Variants in OLFM3 observed in about 807,000 individuals in gnomAD.
The protein encoded by OLFM3 is noelin-3.
OLFM3 carries 20 observed loss-of-function variants against 48.6 expected under a neutral mutation model. That is an observed-to-expected ratio of 0.41 (90% CI 0.29 to 0.60). The LOEUF (loss-of-function observed/expected upper bound fraction) is 0.60. Among genes scored for constraint, OLFM3 ranks in the 20% least tolerant of loss-of-function variants. The pLI is 0.28. For synonymous variants in OLFM3, 222 were observed against 198.1 expected (o/e 1.12, Z -1.01); for missense variants, 437 against 544.3 (o/e 0.80, Z 1.96).
intron 4 of OLFM3, among the ~76,000 whole-genome samples, chr1:101,814,271 T>TTG: frequency 6.6e-6 from 1 of 152,142 alleles, no homozygotes; most frequent in Middle Eastern, 3.4e-3. Flanking sequence ...CTAAGGTTTT[T>TTG]TTTTTTTTTT....
At chr1:101,925,811 T>C (rs1280034719) in intron 1 of OLFM3, among the ~76,000 whole-genome samples, 1 of 152,086 alleles carries the variant, frequency 6.6e-6, no homozygotes, top group Non-Finnish European at 1.5e-5. Context: ...ATTACAGGCA[T>C]GGGTCACTGT....
intron 1 of OLFM3, among the ~76,000 whole-genome samples, chr1:101,903,543 T>C (rs1009564728): frequency 1.3e-5 from 2 of 152,082 alleles, no homozygotes; most frequent in Non-Finnish European, 2.9e-5. Flanking sequence ...CTGTTGAGTT[T>C]GTAAGGCTTA....
intron 1 of OLFM3, among the ~76,000 whole-genome samples, chr1:101,970,386 T>C (rs1010913044): frequency 2.6e-5 from 4 of 152,210 alleles, no homozygotes; most frequent in Admixed American, 6.5e-5. Flanking sequence ...ATATTTCAAG[T>C]AGAGAATGGG....
rs1488469139 is a variant in OLFM3, at chr1:101,804,918, G to A, written c.700-3C>T. ...GTATAACTGTCCATGTACCAGACCT[G>A]AGAAGAAGGAAAAAAATAAATGGAG... On this transcript the variant is annotated splice_region_variant and splice_polypyrimidine_tract_variant and intron_variant, in intron 5 of 5. Transcript: ENST00000370103. This position sits in a 1 kb window ranked among gnomAD's most constrained non-coding sequence, Gnocchi z 4.5. 6.3e-7 allele frequency: 1 copy of A among 1,593,750 alleles called. No individual in the cohort carries two copies. The highest frequency in any genetic ancestry group is 8.5e-7 in the Non-Finnish European group (1 of 1,171,626).
chr1:101,967,945 G>T (rs1660664764), intron 1 of OLFM3, among the ~76,000 whole-genome samples: 1 of 152,138 alleles, frequency 6.6e-6, no homozygotes. Context: ...AAGGTTGGTT[G>T]CCTGTTATTT....
intron 1 of OLFM3, among the ~76,000 whole-genome samples, chr1:101,970,852 A>G (rs1370540209): frequency 6.6e-6 from 1 of 152,226 alleles, no homozygotes; most frequent in Non-Finnish European, 1.5e-5. Flanking sequence ...AGAGGAGGAT[A>G]TTCTCATCCT....
At chr1:101,860,326 C>T (rs1005380382) in intron 1 of OLFM3, among the ~76,000 whole-genome samples, 3 of 151,974 alleles carry the variant, frequency 2.0e-5, no homozygotes, top group African/African-American at 2.4e-5. Context: ...ATAATCTTAT[C>T]CTTGTTGTGA....
intron 1 of OLFM3, among the ~76,000 whole-genome samples, chr1:101,887,088 G>T (rs1472113826): frequency 6.6e-6 from 1 of 151,502 alleles, no homozygotes; most frequent in Non-Finnish European, 1.5e-5. Context: ...AGAAAATTTT[G>T]TTTTTTTAAA....
At chr1:101,807,754 A>G (rs746427985) in intron 4 of OLFM3, among the ~76,000 whole-genome samples, 12 of 151,796 alleles carry the variant, frequency 7.9e-5, no homozygotes, top group Non-Finnish European at 1.8e-4. Flanking sequence ...TGGCATCATT[A>G]TATCCATAGT....
At chr1:101,864,398 G>A (rs1656778094) in intron 1 of OLFM3, among the ~76,000 whole-genome samples, 1 of 152,082 alleles carries the variant, frequency 6.6e-6, no homozygotes, top group Admixed American at 6.5e-5. Flanking sequence ...CTGTAGCTCA[G>A]CTACCTCAAT....
intron 1 of OLFM3, among the ~76,000 whole-genome samples, chr1:101,900,126 A>G (rs1156456768): frequency 2.0e-5 from 3 of 152,174 alleles, no homozygotes; most frequent in Admixed American, 1.3e-4. Flanking sequence ...AATAGTACTC[A>G]TGAGTTTATT....
intron 1 of OLFM3, among the ~76,000 whole-genome samples, chr1:101,855,271 C>G (rs965098105): frequency 1.3e-5 from 2 of 151,926 alleles, no homozygotes; most frequent in African/African-American, 4.8e-5. Context: ...CAGACAAACC[C>G]GATGAGGTAG....
At chr1:101,826,404 CTT>C (rs1654869444) in intron 3 of OLFM3, among the ~76,000 whole-genome samples, 1 of 152,098 alleles carries the variant, frequency 6.6e-6, no homozygotes, top group African/African-American at 2.4e-5. Context: ...AGCAGTCCCT[CTT>C]ATGATTATTT....
intron 4 of OLFM3, among the ~76,000 whole-genome samples, chr1:101,822,264 C>T (rs1326489337): frequency 6.6e-6 from 1 of 152,090 alleles, no homozygotes; most frequent in Non-Finnish European, 1.5e-5. Flanking sequence ...AGAAGGAAAG[C>T]TCATTTATAA....
intron 1 of OLFM3, among the ~76,000 whole-genome samples, chr1:101,849,428 A>C: frequency 6.6e-6 from 1 of 152,262 alleles, no homozygotes; most frequent in Non-Finnish European, 1.5e-5. Flanking sequence ...TGGCAATGAG[A>C]TGAAGCTGGA....
At chr1:101,974,417 A>G (rs1324219150) in intron 1 of OLFM3, among the ~76,000 whole-genome samples, 1 of 152,180 alleles carries the variant, frequency 6.6e-6, no homozygotes, top group Non-Finnish European at 1.5e-5. Flanking sequence ...TCCTCAGATC[A>G]ATAATTTCAT....
At chr1:101,966,437 G>A (rs4908207) in intron 1 of OLFM3, among the ~76,000 whole-genome samples, 121,738 of 151,880 alleles carry the variant, frequency 0.8, 49,009 homozygotes, top group East Asian at 0.96. Context: ...CCTCCCAAAG[G>A]GCTGGGATTA....
intron 1 of OLFM3, among the ~76,000 whole-genome samples, chr1:101,875,544 A>C (rs1198252576): frequency 6.6e-6 from 1 of 152,040 alleles, no homozygotes; most frequent in Non-Finnish European, 1.5e-5. Flanking sequence ...TTCTCTAAAA[A>C]ATAAAGTCTG....
chr1:101,908,309 A>C (rs908081847), intron 1 of OLFM3, among the ~76,000 whole-genome samples: 3 of 152,234 alleles, frequency 2.0e-5, no homozygotes, highest in African/African-American at 7.2e-5. Context: ...ATAGCAGAAA[A>C]AATGTCTATA....
Sources: allele counts gnomAD v4.1 joint callset (sites outside exome capture counted in the v4.1 genomes callset), GRCh38; gene constraint gnomAD v4.1.1; non-coding constraint Gnocchi (gnomAD v3.1); transcripts MANE v1.5; gene names NCBI Gene and HGNC (gene_info 2026-07-23, HGNC 2026-07-21).